Variants in GNAS observed in about 807,000 individuals in gnomAD.
GNAS encodes protein ALEX.
A neutral mutation model predicts 54.5 loss-of-function variants in GNAS; 8 were observed. That is an observed-to-expected ratio of 0.15 (90% CI 0.09 to 0.26). The LOEUF (loss-of-function observed/expected upper bound fraction) is 0.26. Ranked by LOEUF, GNAS falls within the 10% of genes least tolerant of loss-of-function variation. The pLI is 1.00. For synonymous variants in GNAS, 204 were observed against 191.4 expected (o/e 1.07, Z -0.54); for missense variants, 170 against 529.8 (o/e 0.32, Z 6.67).
At chr20:58,868,352 C>T (rs1232368907) in intron 1 of GNAS, among the ~76,000 whole-genome samples, 1 of 152,122 alleles carries the variant, frequency 6.6e-6, no homozygotes, top group Non-Finnish European at 1.5e-5. Flanking sequence ...TGGGGTTTCA[C>T]CATGTTAGCC....
At chr20:58,851,052 C>T in intron 1 of GNAS, 1 of 397,980 alleles carries the variant, frequency 2.5e-6, no homozygotes, top group Non-Finnish European at 4.4e-6. Context: ...TTGGGCCATT[C>T]AGTGGATGCT....
At chr20:58,855,188 G>A (rs76145268) in intron 1 of GNAS, 1 of 1,607,302 alleles carries the variant, frequency 6.2e-7, no homozygotes, top group Non-Finnish European at 8.5e-7. Flanking sequence ...AGGTACCCCT[G>A]GCGGAGAAGC....
intron 1 of GNAS, among the ~76,000 whole-genome samples, chr20:58,862,995 G>C (rs796142733): frequency 5.3e-5 from 8 of 151,534 alleles, no homozygotes; most frequent in African/African-American, 1.9e-4. Flanking sequence ...AAGAAAATGT[G>C]TTTAGTTTCC....
At chr20:58,854,836 GC>G in intron 1 of GNAS, 1 of 1,595,548 alleles carries the variant, frequency 6.3e-7, no homozygotes, top group Non-Finnish European at 8.5e-7. Context: ...GGGGCCAGAC[GC>G]AAGATCCATC....
intron 1 of GNAS, chr20:58,850,440 G>T: frequency 7.5e-6 from 3 of 397,664 alleles, no homozygotes; most frequent in Non-Finnish European, 1.3e-5. Flanking sequence ...TGGTACTTTG[G>T]GGGTGAGCGC....
rs2091399687 is a variant in GNAS at position 58,910,970 on chromosome 20, C to T, written c.*141C>T. 1 of 826,162 alleles carries T rather than the reference C, an allele frequency of 1.2e-6. No individual in the cohort carries two copies. Among genetic ancestry groups the T allele is most frequent in the Non-Finnish European group, 2.0e-6 (1 of 497,874 alleles). 51.2% of individuals were successfully genotyped at this position (826,162 alleles called of 1,614,324 possible). A position where few individuals can be genotyped will look rare whatever the true frequency, so the allele number is the denominator to read the frequency against. On this transcript the variant is annotated 3_prime_UTR_variant, in exon 13 of 13. Coordinates refer to ENST00000371085, the MANE Select transcript of GNAS (RefSeq NM_000516.7). The surrounding 1 kb of genome is among the most constrained non-coding windows in gnomAD (Gnocchi z 5.8). The stretch of plus-strand genomic sequence containing the variant: ...CTTCCCCCGAGTGATTTTGCGAAAC[C>T]CCCTTTTCCCTTCAGCTTGCTTAGA...
intron 5 of GNAS, among the ~76,000 whole-genome samples, chr20:58,904,560 G>T (rs1476134518): frequency 6.6e-6 from 1 of 152,222 alleles, no homozygotes; most frequent in Non-Finnish European, 1.5e-5. Context: ...AAACGAGATG[G>T]AAAGATGTAT....
chr20:58,854,064 A>T, intron 1 of GNAS: 1 of 1,610,606 alleles, frequency 6.2e-7, no homozygotes, highest in Non-Finnish European at 8.5e-7. Context: ...GGTCCGCCTC[A>T]CTCCCGCCGC....
intron 1 of GNAS, chr20:58,850,869 G>C: frequency 2.5e-6 from 1 of 398,842 alleles, no homozygotes; most frequent in Non-Finnish European, 4.4e-6. Flanking sequence ...CACCCCAGCA[G>C]CACCTCTTCG....
At chr20:58,870,450 C>T (rs998872411) in intron 1 of GNAS, among the ~76,000 whole-genome samples, 4 of 152,192 alleles carry the variant, frequency 2.6e-5, no homozygotes, top group East Asian at 1.9e-4. Flanking sequence ...GCCATGGGAG[C>T]TCCTCCCCAC....
At chr20:58,892,356 G>C (rs1183957465) in intron 1 of GNAS, 2 of 179,008 alleles carry the variant, frequency 1.1e-5, no homozygotes, top group Admixed American at 1.3e-4. Flanking sequence ...GAGGGAAAGA[G>C]GGGAAGAAAG....
Position 58,891,873 on chromosome 20 carries a change from C to CGGGCGGG in GNAS, c.139+14_139+20dup. ...ACCGCCTGCTGCTGCTGGGTAAGGG[C>CGGGCGGG]GGGCGGGGGGCGCCGGCCCCGGCCC... On this transcript the variant is annotated intron_variant, in intron 1 of 12. Transcript: ENST00000371085. 3 of 1,179,038 alleles carry CGGGCGGG rather than the reference C, an allele frequency of 2.5e-6. No individual in the cohort carries two copies. The highest frequency in any genetic ancestry group is 1.6e-5 in the African/African-American group (1 of 61,388). 73.0% of individuals were successfully genotyped at this position (1,179,038 alleles called of 1,614,324 possible). A position where few individuals can be genotyped will look rare whatever the true frequency, so the allele number is the denominator to read the frequency against.
chr20:58,868,663 G>A (rs2087221219), intron 1 of GNAS, among the ~76,000 whole-genome samples: 1 of 152,164 alleles, frequency 6.6e-6, no homozygotes, highest in Non-Finnish European at 1.5e-5. Flanking sequence ...AGGGGAGAAC[G>A]GAAAGCAGCC....
In GNAS at chr20:58,861,718, T is replaced by G. The variant is rs572260463; in HGVS notation, c.43+20832T>G. Among the ~76,000 whole-genome samples the G allele has an allele frequency of 6.6e-5, 10 of 152,330 alleles. No homozygotes were observed. In the East Asian group the frequency reaches 1.3e-3, roughly 21 times the overall value. ...TCAAAAAGAGGATATATTCTTTTTT[T>G]TATTGAGACGGAGTTTTGCTCTTGT... On this transcript the variant is annotated intron_variant, in intron 1 of 12. Transcript: ENST00000306090.
chr20:58,910,279 C>T lies in GNAS; in HGVS notation c.971-55C>T, dbSNP rs1377940191. On this transcript the variant is annotated intron_variant, in intron 11 of 12. Coordinates refer to ENST00000371085, the MANE Select transcript of GNAS (RefSeq NM_000516.7). This position sits in a 1 kb window ranked among gnomAD's most constrained non-coding sequence, Gnocchi z 5.8. ...TTCAGGAGCTACAGAGATGCTAGCA[C>T]CCCAGCTCTGCTTGAATTTTAAATT... The T allele has an allele frequency of 3.3e-5, 46 of 1,392,298 alleles. No homozygotes were observed. The highest frequency in any genetic ancestry group is 4.6e-5 in the Non-Finnish European group (45 of 977,346). The allele number at this position is 1,392,298 out of a possible 1,614,324, so 86.2% of individuals were successfully genotyped here.
At position 58,891,680 on chromosome 20, in the gene GNAS, C is replaced by T. The variant is rs2089353781; in HGVS notation, c.-47C>T. On this transcript the variant is annotated 5_prime_UTR_variant, in exon 1 of 13. Transcript: ENST00000371085. The stretch of plus-strand genomic sequence containing the variant: ...CCGGCCCGCGTGAGGCCGCCCGCGC[C>T]CGCCGCCGCCGCAGCCCGGCCGCGC... The T allele has an allele frequency of 4.1e-6, 4 of 968,464 alleles. No individual in the cohort carries two copies. In the South Asian group the frequency reaches 1.9e-4, roughly 45 times the overall value. The allele number at this position is 968,464 out of a possible 1,614,324, so 60.0% of individuals were successfully genotyped here.
Position 58,841,545 on chromosome 20 carries a change from C to A in GNAS, c.43+659C>A. On this transcript the variant is annotated intron_variant, in intron 1 of 12. Transcript: ENST00000306090. The surrounding 1 kb of genome is among the most constrained non-coding windows in gnomAD (Gnocchi z 5.0). ...GTGCCTCCAGCTGCCGTGCGCCAGC[C>A]TTGGCCGCCACAGCCCGCCTCCCGT... is the stretch of plus-strand genomic sequence containing the variant. 1.0e-6 allele frequency: 1 copy of A among 996,772 alleles called. No homozygotes were observed. Among genetic ancestry groups the A allele is most frequent in the Non-Finnish European group, 1.2e-6 (1 of 837,984 alleles). The allele number at this position is 996,772 out of a possible 1,614,324, so 61.7% of individuals were successfully genotyped here. A position where few individuals can be genotyped will look rare whatever the true frequency, so the allele number is the denominator to read the frequency against.
At chr20:58,889,402 C>T (rs2145857841), upstream of GNAS, 4 of 982,256 alleles carry the variant, frequency 4.1e-6, no homozygotes, top group South Asian at 4.7e-5. Flanking sequence ...AGTCGCCCGG[C>T]GCAGGCAAGA....
upstream of GNAS, chr20:58,890,884 C>G (rs934906334): frequency 1.3e-5 from 2 of 152,420 alleles, no homozygotes. Context: ...TTTTTCCACA[C>G]TCCTGCTCTC....
Sources: allele counts gnomAD v4.1 joint callset (sites outside exome capture counted in the v4.1 genomes callset), GRCh38; gene constraint gnomAD v4.1.1; non-coding constraint Gnocchi (gnomAD v3.1); transcripts MANE v1.5; gene names NCBI Gene and HGNC (gene_info 2026-07-23, HGNC 2026-07-21).